The following EPHA6 variants were observed in gnomAD, a reference collection of about 807,000 sequenced individuals.
The protein encoded by EPHA6 is EPH receptor A6, also known as ephrin type-A receptor 6.
In EPHA6, 50 loss-of-function variants were observed where a neutral mutation model predicts 112.0. That is an observed-to-expected ratio of 0.45 (90% CI 0.36 to 0.56). The LOEUF (loss-of-function observed/expected upper bound fraction) is 0.56, where lower values mean the gene tolerates loss of function less well. Among genes scored for constraint, EPHA6 ranks in the 20% least tolerant of loss-of-function variants. The probability of loss-of-function intolerance (pLI) is 0.00; values close to 1 mark genes in which losing one functional copy is unlikely to be tolerated. For missense variants in EPHA6, 1,280 were observed against 1,417.4 expected (o/e 0.90, Z 1.56); for synonymous variants, 529 against 490.7 (o/e 1.08, Z -1.03).
intron 5 of EPHA6, among the ~76,000 whole-genome samples, chr3:97,327,955 CTGT>C (rs2082537110): frequency 1.0e-5 from 1 of 95,660 alleles, no homozygotes. Context: ...GTATATGTAT[CTGT>C]GTGTATATAT....
chr3:97,075,705 A>G (rs1380586120), intron 3 of EPHA6, among the ~76,000 whole-genome samples: 1 of 144,040 alleles, frequency 6.9e-6, no homozygotes, highest in East Asian at 2.0e-4. Flanking sequence ...CGGATACTGC[A>G]TTTTTTTTTT....
intron 11 of EPHA6, among the ~76,000 whole-genome samples, chr3:97,545,151 G>A (rs1386700625): frequency 6.6e-6 from 1 of 152,018 alleles, no homozygotes; most frequent in Non-Finnish European, 1.5e-5. Context: ...TTTTAATTGT[G>A]ATGTTAGGGT....
At chr3:96,877,931 T>TA (rs1559793917) in intron 2 of EPHA6, among the ~76,000 whole-genome samples, 398 of 120,146 alleles carry the variant, frequency 3.3e-3, no homozygotes, top group South Asian at 5.0e-3. Context: ...ATATATATAT[T>TA]TTTTTTTTTT....
At chr3:97,358,063 A>T (rs759495663) in intron 5 of EPHA6, among the ~76,000 whole-genome samples, 6 of 152,094 alleles carry the variant, frequency 3.9e-5, no homozygotes, top group Non-Finnish European at 8.8e-5. Flanking sequence ...ATAGGAGTGA[A>T]CCTCAACAGT....
intron 9 of EPHA6, among the ~76,000 whole-genome samples, chr3:97,483,040 C>T (rs1191219985): frequency 1.3e-5 from 2 of 152,142 alleles, no homozygotes; most frequent in African/African-American, 4.8e-5. Context: ...ATCACTTGAG[C>T]TCAAGAATTC....
At chr3:96,851,991 A>G (rs1348637261) in intron 1 of EPHA6, among the ~76,000 whole-genome samples, 3 of 151,874 alleles carry the variant, frequency 2.0e-5, no homozygotes, top group Non-Finnish European at 2.9e-5. Flanking sequence ...TAATGAATAA[A>G]TACAGTACAT....
At chr3:97,680,867 A>C (rs2031805841) in intron 14 of EPHA6, among the ~76,000 whole-genome samples, 3 of 152,200 alleles carry the variant, frequency 2.0e-5, no homozygotes, top group Admixed American at 2.0e-4. Context: ...AAAAGTGAAC[A>C]AGTAAAAAGT....
At chr3:97,068,941 A>G (rs1002209160) in intron 3 of EPHA6, among the ~76,000 whole-genome samples, 3 of 152,118 alleles carry the variant, frequency 2.0e-5, no homozygotes, top group African/African-American at 7.2e-5. Context: ...TGTTGTTTAT[A>G]AGCCACCCAG....
chr3:97,127,114 T>C (rs780835019), intron 3 of EPHA6, among the ~76,000 whole-genome samples: 1 of 152,168 alleles, frequency 6.6e-6, no homozygotes. Flanking sequence ...ACAAAAGCCT[T>C]CTTAAGGAAA....
intron 11 of EPHA6, among the ~76,000 whole-genome samples, chr3:97,554,665 C>T (rs1410733648): frequency 2.6e-5 from 4 of 151,918 alleles, no homozygotes; most frequent in Non-Finnish European, 4.4e-5. Context: ...CCATCTATCC[C>T]GTCCGCCCAA....
intron 11 of EPHA6, among the ~76,000 whole-genome samples, chr3:97,560,253 C>T (rs1435421138): frequency 6.6e-6 from 1 of 151,754 alleles, no homozygotes; most frequent in Non-Finnish European, 1.5e-5. Flanking sequence ...AATAATCATG[C>T]AAAGTGCCCT....
At chr3:97,228,503 T>C (rs1320066764) in intron 4 of EPHA6, among the ~76,000 whole-genome samples, 1 of 151,890 alleles carries the variant, frequency 6.6e-6, no homozygotes, top group African/African-American at 2.4e-5. Flanking sequence ...TTCCTTTTTA[T>C]TGCTGAGTAG....
At chr3:96,918,442 C>T (rs759185067) in intron 2 of EPHA6, among the ~76,000 whole-genome samples, 41 of 152,052 alleles carry the variant, frequency 2.7e-4, no homozygotes, top group South Asian at 2.5e-3. Context: ...AAAGGCATTA[C>T]GTATTGGATA....
intron 16 of EPHA6, among the ~76,000 whole-genome samples, chr3:97,737,537 A>C (rs1206252428): frequency 6.6e-6 from 1 of 152,082 alleles, no homozygotes; most frequent in Admixed American, 6.6e-5. Context: ...GGAGAAAAAG[A>C]ATCAAAGATG....
intron 10 of EPHA6, among the ~76,000 whole-genome samples, chr3:97,515,625 G>A (rs1470654304): frequency 6.6e-6 from 1 of 152,158 alleles, no homozygotes; most frequent in Non-Finnish European, 1.5e-5. Flanking sequence ...CCATCTGGTA[G>A]AGACTGATAC....
At chr3:97,283,354 A>G (rs1018533677) in intron 5 of EPHA6, among the ~76,000 whole-genome samples, 3 of 152,192 alleles carry the variant, frequency 2.0e-5, no homozygotes, top group Non-Finnish European at 4.4e-5. Context: ...CTCAAAAATT[A>G]TGAGATTCAT....
intron 10 of EPHA6, among the ~76,000 whole-genome samples, chr3:97,516,542 G>T (rs1184248822): frequency 6.6e-6 from 1 of 152,108 alleles, no homozygotes; most frequent in Non-Finnish European, 1.5e-5. Flanking sequence ...GACAAGCACT[G>T]AATACAGTCA....
At chr3:96,939,258 C>G (rs1026863820) in intron 2 of EPHA6, among the ~76,000 whole-genome samples, 9 of 152,100 alleles carry the variant, frequency 5.9e-5, no homozygotes, top group Non-Finnish European at 1.0e-4. Context: ...CGTTGGTAAG[C>G]TATTGATTAT....
chr3:97,331,953 A>C (rs1253843666), intron 5 of EPHA6, among the ~76,000 whole-genome samples: 1 of 152,110 alleles, frequency 6.6e-6, no homozygotes, highest in Non-Finnish European at 1.5e-5. Context: ...AGACACAACA[A>C]AAAAAGAGAA....
Sources: allele counts gnomAD v4.1 joint callset (sites outside exome capture counted in the v4.1 genomes callset), GRCh38; gene constraint gnomAD v4.1.1; transcripts MANE v1.5; gene names NCBI Gene and HGNC (gene_info 2026-07-23, HGNC 2026-07-21).